Variants in ZNF804A observed in about 807,000 individuals in gnomAD.
ZNF804A encodes the protein zinc finger protein 804A.
In ZNF804A, 2 loss-of-function variants were observed where a neutral mutation model predicts 16.5. The observed-to-expected ratio is 0.12, with a 90% confidence interval of 0.05 to 0.38. The LOEUF (loss-of-function observed/expected upper bound fraction) is 0.38, where lower values mean the gene tolerates loss of function less well. ZNF804A is among the 10% of genes least tolerant of loss of function. The pLI is 0.99. For synonymous variants in ZNF804A, 534 were observed against 489.6 expected (o/e 1.09, Z -1.20); for missense variants, 1,473 against 1,390.7 (o/e 1.06, Z -0.94).
At chr2:184,852,229 T>TTCTCTCTCTC (rs10618125) in intron 1 of ZNF804A, among the ~76,000 whole-genome samples, 83 of 134,746 alleles carry the variant, frequency 6.2e-4, no homozygotes, top group African/African-American at 1.9e-3. Context: ...TGCGGTCTCT[T>TTCTCTCTCTC]TCTCTCTCTC....
chr2:184,935,665 C>A, intron 3 of ZNF804A, 118 bp from the exon 4 acceptor site: 2 of 1,221,106 alleles, frequency 1.6e-6, no homozygotes, highest in Non-Finnish European at 2.2e-6. Context: ...GCAATTCTGT[C>A]ACAAAGATTT....
chr2:184,858,503 C>CAA (rs61600757), intron 1 of ZNF804A, among the ~76,000 whole-genome samples: 1 of 84,022 alleles, frequency 1.2e-5, no homozygotes, highest in Non-Finnish European at 2.5e-5. Context: ...GACTCTGTCT[C>CAA]AAAAAAAAAA....
intron 1 of ZNF804A, among the ~76,000 whole-genome samples, chr2:184,684,048 A>G (rs1171414083): frequency 6.6e-6 from 1 of 152,218 alleles, no homozygotes; most frequent in Non-Finnish European, 1.5e-5. Flanking sequence ...CCTTTAAAAC[A>G]TGTCTAGGCA....
intron 1 of ZNF804A, among the ~76,000 whole-genome samples, chr2:184,695,626 C>T (rs1006031512): frequency 6.6e-6 from 1 of 151,840 alleles, no homozygotes; most frequent in Admixed American, 6.6e-5. Flanking sequence ...CCATATTACC[C>T]GGGCTGGTCT....
At chr2:184,662,778 G>A (rs60170726) in intron 1 of ZNF804A, among the ~76,000 whole-genome samples, 18,867 of 152,128 alleles carry the variant, frequency 0.12, 1,253 homozygotes, top group Middle Eastern at 0.19. Context: ...TTAAATAAGA[G>A]CTTTATGATA....
At chr2:184,815,691 A>C (rs1448348527) in intron 1 of ZNF804A, among the ~76,000 whole-genome samples, 3 of 151,982 alleles carry the variant, frequency 2.0e-5, no homozygotes, top group Non-Finnish European at 4.4e-5. Context: ...GATATAATAA[A>C]TTTTTTCCTG....
At chr2:184,766,983 C>T (rs1213752118) in intron 1 of ZNF804A, among the ~76,000 whole-genome samples, 1 of 152,036 alleles carries the variant, frequency 6.6e-6, no homozygotes, top group African/African-American at 2.4e-5. Context: ...GCAGGACATA[C>T]CAGAGGCATG....
At chr2:184,725,399 AT>A (rs933502932) in intron 1 of ZNF804A, among the ~76,000 whole-genome samples, 12 of 151,738 alleles carry the variant, frequency 7.9e-5, no homozygotes, top group African/African-American at 2.7e-4. Flanking sequence ...GTAACATTTT[AT>A]TTTATAAAGT....
At chr2:184,644,451 T>G (rs1354821137) in intron 1 of ZNF804A, among the ~76,000 whole-genome samples, 1 of 151,744 alleles carries the variant, frequency 6.6e-6, no homozygotes, top group Non-Finnish European at 1.5e-5. Context: ...AAATAAAATA[T>G]TAAAAGGCAT....
chr2:184,918,154 G>A (rs1379030947), intron 2 of ZNF804A, among the ~76,000 whole-genome samples: 3 of 152,128 alleles, frequency 2.0e-5, no homozygotes, highest in Non-Finnish European at 2.9e-5. Context: ...TGCAGTAGCA[G>A]TCCAATTTCC....
intron 1 of ZNF804A, among the ~76,000 whole-genome samples, chr2:184,844,926 C>CTCCT (rs753731972): frequency 5.9e-5 from 9 of 151,610 alleles, no homozygotes; most frequent in Non-Finnish European, 1.0e-4. Flanking sequence ...CCTTCATTTT[C>CTCCT]TCCTTCCTTC....
chr2:184,811,740 A>G (rs767587165), intron 1 of ZNF804A, among the ~76,000 whole-genome samples: 2 of 152,172 alleles, frequency 1.3e-5, no homozygotes, highest in Non-Finnish European at 2.9e-5. Flanking sequence ...AGTAATAATA[A>G]TAAAGAAAAT....
At chr2:184,835,068 C>T (rs1015137131) in intron 1 of ZNF804A, among the ~76,000 whole-genome samples, 3 of 152,124 alleles carry the variant, frequency 2.0e-5, no homozygotes, top group South Asian at 2.1e-4. Flanking sequence ...ATTGTTCCTT[C>T]CTCAGCAAAT....
chr2:184,757,588 T>G (rs1693977982), intron 1 of ZNF804A, among the ~76,000 whole-genome samples: 1 of 152,024 alleles, frequency 6.6e-6, no homozygotes, highest in South Asian at 2.1e-4. Context: ...ACAATAGGTA[T>G]CTATGGAAAA....
intron 1 of ZNF804A, among the ~76,000 whole-genome samples, chr2:184,691,232 C>T (rs1035223435): frequency 1.3e-5 from 2 of 152,010 alleles, no homozygotes; most frequent in East Asian, 1.9e-4. Context: ...GAATTTTGCT[C>T]TGATCTTTCA....
chr2:184,786,732 ATTACT>A (rs972381591), intron 1 of ZNF804A, among the ~76,000 whole-genome samples: 6 of 151,932 alleles, frequency 3.9e-5, no homozygotes, highest in Admixed American at 2.0e-4. Flanking sequence ...AATAACGTTG[ATTACT>A]TTACTATAAA....
rs148045951 is a variant in ZNF804A at position 184,883,758 on chromosome 2, G to A, written c.255+17246G>A. On this transcript the variant is annotated intron_variant, in intron 2 of 3. Coordinates refer to ENST00000302277, the MANE Select transcript of ZNF804A (RefSeq NM_194250.2). ...ATTTGATAAAATTCAACACCCCTTCGCATTAAAAACCCTCAACAAACCAGG... is the reference window on the plus strand; with the variant it reads ...ATTTGATAAAATTCAACACCCCTTCACATTAAAAACCCTCAACAAACCAGG... 9.2e-3 allele frequency among the ~76,000 whole-genome samples: 1,391 copies of A among 151,856 alleles called. 23 individuals are homozygous for A. The highest frequency in any genetic ancestry group is 0.032 in the African/African-American group (1,326 of 41,486).
At chr2:184,691,842 G>T (rs898162327) in intron 1 of ZNF804A, among the ~76,000 whole-genome samples, 1 of 151,808 alleles carries the variant, frequency 6.6e-6, no homozygotes, top group Non-Finnish European at 1.5e-5. Context: ...GTAAGTGAGA[G>T]CACAGTGATC....
At chr2:184,918,999 C>T (rs1339977309) in intron 2 of ZNF804A, among the ~76,000 whole-genome samples, 1 of 152,148 alleles carries the variant, frequency 6.6e-6, no homozygotes, top group East Asian at 1.9e-4. Context: ...TTCTATCAAA[C>T]CAGTTTCTTC....
Sources: gnomAD v4.1 joint callset for allele counts (sites outside exome capture counted in the v4.1 genomes callset) on GRCh38, gnomAD v4.1.1 for gene constraint, MANE v1.5 for transcripts, NCBI Gene and HGNC (gene_info 2026-07-23, HGNC 2026-07-21) for gene names.